Variants in TARS3 observed in about 807,000 individuals in gnomAD.
TARS3 encodes threonyl-tRNA synthetase 3.
Under a neutral mutation model 103.5 loss-of-function variants are expected in TARS3, and 94 were observed. The observed-to-expected ratio is 0.91, with a 90% CI of 0.77 to 1.08. TARS3 has a LOEUF of 1.08. Ranked by LOEUF, TARS3 falls within the 50% of genes least tolerant of loss-of-function variation. The probability of loss-of-function intolerance (pLI) is 0.00; values close to 1 mark genes in which losing one functional copy is unlikely to be tolerated. For synonymous variants in TARS3, 416 were observed against 355.4 expected, an observed-to-expected ratio of 1.17 and a Z score of -1.92; for missense variants, 952 against 995.2, an observed-to-expected ratio of 0.96 and a Z score of 0.58.
intron 12 of TARS3, among the ~76,000 whole-genome samples, chr15:101,683,674 G>A (rs1555484449): frequency 6.6e-6 from 1 of 152,160 alleles, no homozygotes; most frequent in Non-Finnish European, 1.5e-5. Context: ...ACCAAAGAAT[G>A]TATATTCTGC....
At chr15:101,697,302 G>A (rs1427280184) in intron 10 of TARS3, among the ~76,000 whole-genome samples, 2 of 152,158 alleles carry the variant, frequency 1.3e-5, no homozygotes, top group African/African-American at 4.8e-5. Flanking sequence ...GGGCCAGGTG[G>A]TGGGCAGAAG....
At chr15:101,713,108 A>G (rs563683436) in intron 4 of TARS3, among the ~76,000 whole-genome samples, 268 of 152,342 alleles carry the variant, frequency 1.8e-3, no homozygotes, top group Middle Eastern at 3.4e-3. Context: ...CAGCCCCCAC[A>G]CAGGTACAGC....
chr15:101,687,732 C>T (rs1167260942), intron 10 of TARS3, among the ~76,000 whole-genome samples: 2 of 152,114 alleles, frequency 1.3e-5, no homozygotes, highest in African/African-American at 4.8e-5. Context: ...GATATTGATA[C>T]CTTAACCCCA....
Position 101,702,271 on chromosome 15 carries a change from C to T in TARS3, c.1189G>A (p.Ala397Thr), listed in dbSNP as rs748639394. ...ATCTTCCTGTGATCTCGGTTCTTTG[C>T]TTCCTCTTGGAACTTTTCCCAGTCT... ...MRDWEKFQEE[A>T]KNRDHRKIGK... The change falls in exon 9 of 19, where the codon GCA becomes ACA. Residue 397 changes from alanine (A) to threonine (T), a missense_variant. Ala to Thr is a moderately conservative substitution (Grantham distance 58). This residue lies in a region of TARS3 where 540 missense variants were observed against 631.0 expected (regional missense o/e 0.86). Coordinates refer to ENST00000335968, the MANE Select transcript of TARS3 (RefSeq NM_152334.3). The T allele has an allele frequency of 8.7e-6, 14 of 1,614,186 alleles. No homozygotes were observed. Among genetic ancestry groups the T allele is most frequent in the Admixed American group, 1.7e-5 (1 of 60,018 alleles).
chr15:101,669,800 G>A (rs916935004), intron 15 of TARS3, among the ~76,000 whole-genome samples: 6 of 152,174 alleles, frequency 3.9e-5, no homozygotes, highest in African/African-American at 1.2e-4. Flanking sequence ...AAGCACACTC[G>A]GTGATGTTCA....
chr15:101,671,477 A>G lies in TARS3; in HGVS notation c.1967+9T>C, dbSNP rs775501318. The G allele has an allele frequency of 1.9e-6, 3 of 1,581,460 alleles. No homozygotes were observed. The East Asian group carries it at 6.8e-5, about 36-fold the overall frequency. On this transcript the variant is annotated intron_variant, in intron 15 of 18. Transcript: ENST00000335968. Reference sequence around the variant, plus strand: ...AGTACTATAATATTTATCACATTCAATCACTCACCTAACATATGTGAGATT... The same window carrying G: ...AGTACTATAATATTTATCACATTCAGTCACTCACCTAACATATGTGAGATT...
chr15:101,673,675 T>C (rs1207314719), intron 13 of TARS3, among the ~76,000 whole-genome samples: 1 of 152,198 alleles, frequency 6.6e-6, no homozygotes, highest in African/African-American at 2.4e-5. Flanking sequence ...GGCTGTTAGG[T>C]AAACTGAGTC....
chr15:101,695,581 G>A lies in TARS3; in HGVS notation c.1320+5505C>T, dbSNP rs74858771. Reference sequence around the variant, plus strand: ...CAAATACAAGTCTCAGTGTAGATGCGGGCATATGTTTTTATTTATCTTGGG... The same window carrying A: ...CAAATACAAGTCTCAGTGTAGATGCAGGCATATGTTTTTATTTATCTTGGG... On this transcript the variant is annotated intron_variant, in intron 10 of 18. Coordinates refer to ENST00000335968, the MANE Select transcript of TARS3 (RefSeq NM_152334.3). Among the ~76,000 whole-genome samples the A allele has an allele frequency of 3.8e-3, 565 of 147,110 alleles. 8 individuals are homozygous for A. Among genetic ancestry groups the A allele is most frequent in the African/African-American group, 0.013 (525 of 39,688 alleles).
chr15:101,655,471 C>A (rs1468408046), intron 18 of TARS3, among the ~76,000 whole-genome samples: 4 of 108,368 alleles, frequency 3.7e-5, no homozygotes, highest in South Asian at 3.6e-4. Flanking sequence ...GGCACTAGGG[C>A]GCAAATGAGA....
chr15:101,712,018 A>G lies in TARS3; in HGVS notation c.691-17T>C, dbSNP rs200385294. 5.7e-4 allele frequency: 915 copies of G among 1,603,358 alleles called. No homozygotes were observed. The highest frequency in any genetic ancestry group is 7.5e-4 in the Non-Finnish European group (885 of 1,176,190). ...CCAGTACACCTGCATGGCATGGACA[A>G]AGAGGCCATTAGCTACCAAAAGTAT... On this transcript the variant is annotated splice_polypyrimidine_tract_variant and intron_variant, in intron 4 of 18. Coordinates refer to ENST00000335968, the MANE Select transcript of TARS3 (RefSeq NM_152334.3).
chr15:101,721,449 G>T, intron 2 of TARS3, 127 bp from the exon 3 acceptor site: 1 of 643,198 alleles, frequency 1.6e-6, no homozygotes, highest in Non-Finnish European at 2.6e-6. Flanking sequence ...GCTTACCATG[G>T]TTTGAATTAC....
chr15:101,715,032 G>T (rs890015183), intron 3 of TARS3, 69 bp from the exon 4 acceptor site: 165 of 1,355,112 alleles, frequency 1.2e-4, no homozygotes, highest in South Asian at 1.8e-5. Flanking sequence ...AATATTAAAA[G>T]AATTTCTAGG....
At chr15:101,685,563 A>G (rs184239409) in intron 11 of TARS3, among the ~76,000 whole-genome samples, 1 of 152,324 alleles carries the variant, frequency 6.6e-6, no homozygotes, top group Admixed American at 6.5e-5. Flanking sequence ...AAACAGTATG[A>G]AAGAACTAAA....
intron 6 of TARS3, among the ~76,000 whole-genome samples, chr15:101,708,586 T>G (rs540897780): frequency 6.6e-6 from 1 of 152,308 alleles, no homozygotes; most frequent in South Asian, 2.1e-4. Flanking sequence ...CCTGGCCCTT[T>G]ACCTACCTAT....
chr15:101,723,994 G>T, intron 1 of TARS3, 97 bp downstream of exon 1: 2 of 1,161,108 alleles, frequency 1.7e-6, no homozygotes, highest in East Asian at 3.2e-5. Context: ...CCCCCGGGGC[G>T]CCCCCGCACC....
At chr15:101,663,627 T>C (rs991408104) in intron 15 of TARS3, among the ~76,000 whole-genome samples, 1 of 152,266 alleles carries the variant, frequency 6.6e-6, no homozygotes, top group Non-Finnish European at 1.5e-5. Flanking sequence ...TTGCATTTCC[T>C]AGCAGATTAT....
intron 12 of TARS3, among the ~76,000 whole-genome samples, chr15:101,683,008 C>CT (rs1350710416): frequency 6.6e-6 from 1 of 152,180 alleles, no homozygotes; most frequent in Admixed American, 6.5e-5. Context: ...TTTTATTTGT[C>CT]TTTTTTCCCT....
chr15:101,716,026 C>CTT lies in TARS3; in HGVS notation c.567-1065_567-1064dup, dbSNP rs11464619. Among the ~76,000 whole-genome samples the CTT allele has an allele frequency of 4.2e-3, 627 of 147,864 alleles. 4 individuals carry two copies. Among genetic ancestry groups the CTT allele is most frequent in the Middle Eastern group, 0.024 (7 of 286 alleles). On this transcript the variant is annotated intron_variant, in intron 3 of 18. Transcript: ENST00000335968. ...ACTATCCGCTTCCTTTGCCTATTTT[C>CTT]TTTTTTTTTTTGAGACAGTCTCACT...
intron 13 of TARS3, among the ~76,000 whole-genome samples, chr15:101,674,339 T>A (rs1199077933): frequency 6.6e-6 from 1 of 152,040 alleles, no homozygotes; most frequent in Non-Finnish European, 1.5e-5. Flanking sequence ...AGTGAAAAGG[T>A]GAAAGTTATC....
Sources: allele counts gnomAD v4.1 joint callset (sites outside exome capture counted in the v4.1 genomes callset), GRCh38; gene constraint gnomAD v4.1.1; regional missense constraint gnomAD v4.1.1; transcripts MANE v1.5; gene names NCBI Gene and HGNC (gene_info 2026-07-23, HGNC 2026-07-21).